FRYL: variants seen among roughly 807,000 people sequenced by gnomAD.
The protein encoded by FRYL is protein furry homolog-like.
FRYL carries 150 observed loss-of-function variants against 351.2 expected under a neutral mutation model. The ratio of observed to expected loss-of-function variants is 0.43; its 90% CI spans 0.37 to 0.49. The LOEUF is 0.49. Among genes scored for constraint, FRYL ranks in the 20% least tolerant of loss-of-function variants. The pLI is 0.00. For missense variants in FRYL, 3,036 were observed against 3,619.3 expected (o/e 0.84, Z 4.13); for synonymous variants, 1,153 against 1,257.1 (o/e 0.92, Z 1.75).
intron 1 of FRYL, among the ~76,000 whole-genome samples, chr4:48,722,725 T>C (rs1191542401): frequency 6.6e-6 from 1 of 152,198 alleles, no homozygotes; most frequent in Non-Finnish European, 1.5e-5. Flanking sequence ...CAATGGGCCT[T>C]GGGAAGCACA....
At chr4:48,695,797 T>C (rs1467156765) in intron 2 of FRYL, among the ~76,000 whole-genome samples, 1 of 152,110 alleles carries the variant, frequency 6.6e-6, no homozygotes, top group Non-Finnish European at 1.5e-5. Flanking sequence ...AAAGGTCTAA[T>C]ATCCAGAATC....
At chr4:48,505,808 CAA>C in intron 59 of FRYL, 193 bp from the exon 60 acceptor site, 2 of 502,182 alleles carry the variant, frequency 4.0e-6, no homozygotes, top group East Asian at 3.1e-5. Context: ...ATTAATGTAA[CAA>C]GAGGCACACA....
In FRYL at chr4:48,666,749, G is replaced by GT. The variant is rs200860642; in HGVS notation, c.-81+17923dup. Among the ~76,000 whole-genome samples the GT allele has an allele frequency of 1.5e-3, 232 of 151,598 alleles. 2 individuals carry two copies. The East Asian group carries it at 0.039, about 26-fold the overall frequency. On this transcript the variant is annotated intron_variant, in intron 3 of 63. Coordinates refer to ENST00000358350, the MANE Select transcript of FRYL (RefSeq NM_015030.2). ...TATTGATTACAATGAACGTTTCATAGTTTTTTTTTAAAGTTTCTTCATCAA... is the reference window on the plus strand; with the variant it reads ...TATTGATTACAATGAACGTTTCATAGTTTTTTTTTTAAAGTTTCTTCATCAA...
chr4:48,542,156 C>T (rs754517470), intron 44 of FRYL, 35 bp from the exon 45 acceptor site: 3 of 1,455,490 alleles, frequency 2.1e-6, no homozygotes, highest in Admixed American at 3.4e-5. Flanking sequence ...ATTAATTATG[C>T]TCTGGAATAA....
chr4:48,730,023 G>A (rs973102897), intron 1 of FRYL, among the ~76,000 whole-genome samples: 1 of 152,166 alleles, frequency 6.6e-6, no homozygotes, highest in Non-Finnish European at 1.5e-5. Flanking sequence ...AATAACCAGT[G>A]TAGAGAAGAG....
At chr4:48,581,397 T>G in intron 21 of FRYL, 23 bp downstream of exon 21, 1 of 1,585,708 alleles carries the variant, frequency 6.3e-7, no homozygotes, top group Non-Finnish European at 8.6e-7. Flanking sequence ...AATAGATAAC[T>G]GAATGAAATA....
At position 48,548,769 on chromosome 4, in the gene FRYL, CA is replaced by C; in HGVS notation, c.4808del (p.Leu1603Ter). The C allele has an allele frequency of 6.2e-7, 1 of 1,609,090 alleles. No individual in the cohort carries two copies. The highest frequency in any genetic ancestry group is 8.5e-7 in the Non-Finnish European group (1 of 1,176,084). ...LHRCNIAVILLTDLIIDHSVK... is the reference protein window; with the variant it reads ...LHRCNIAVILXTDLIIDHSVK... ...CACTATGATCAATGATGAGATCAGT[CA>C]AAAGGATCACTGCTATGTTACACCT... On this transcript the variant is annotated frameshift_variant, in exon 40 of 64. Coordinates refer to ENST00000358350, the MANE Select transcript of FRYL (RefSeq NM_015030.2). LOFTEE classifies it high-confidence loss of function.
chr4:48,718,158 G>C (rs1045875072), intron 1 of FRYL, among the ~76,000 whole-genome samples: 1 of 151,386 alleles, frequency 6.6e-6, no homozygotes, highest in African/African-American at 2.4e-5. Context: ...AGAGTAAATT[G>C]TGTTTATTCT....
chr4:48,653,823 AGC>A (rs1758212850), intron 3 of FRYL: 1 of 1,287,026 alleles, frequency 7.8e-7, no homozygotes, highest in Non-Finnish European at 1.0e-6. Context: ...CAGCAGCAGC[AGC>A]AGCAGCAGAA....
At chr4:48,581,352 A>G (rs752489027) in intron 21 of FRYL, 68 bp downstream of exon 21, 1 of 1,394,776 alleles carries the variant, frequency 7.2e-7, no homozygotes, top group Non-Finnish European at 9.9e-7. Flanking sequence ...TACATGGGAT[A>G]AGGATGGACA....
chr4:48,572,841 C>T (rs1738647638), intron 26 of FRYL, among the ~76,000 whole-genome samples: 1 of 152,124 alleles, frequency 6.6e-6, no homozygotes, highest in South Asian at 2.1e-4. Flanking sequence ...AGCCACACTC[C>T]TTTTTTTATG....
chr4:48,744,010 T>A (rs1772403628), intron 1 of FRYL, among the ~76,000 whole-genome samples: 1 of 152,230 alleles, frequency 6.6e-6, no homozygotes, highest in Admixed American at 6.5e-5. Flanking sequence ...CATTTTTGGT[T>A]CTGTTTCTCT....
Position 48,540,974 on chromosome 4 carries a change from AAGAAT to A in FRYL, c.5688-19_5688-15del. The A allele has an allele frequency of 6.5e-7, 1 of 1,531,284 alleles. No homozygotes were observed. Among genetic ancestry groups the A allele is most frequent in the Non-Finnish European group, 8.8e-7 (1 of 1,138,808 alleles). The allele number at this position is 1,531,284 out of a possible 1,614,324, so 94.9% of individuals were successfully genotyped here. A position where few individuals can be genotyped will look rare whatever the true frequency, so the allele number is the denominator to read the frequency against. ...TGATATGAGGTTCTTAAAAAAAAGA[AAGAAT>A]AGATGAATGCATACCCAGTCACTTC... is the stretch of plus-strand genomic sequence containing the variant. On this transcript the variant is annotated splice_polypyrimidine_tract_variant and intron_variant, in intron 45 of 63. Coordinates refer to ENST00000358350, the MANE Select transcript of FRYL (RefSeq NM_015030.2).
chr4:48,724,134 T>C (rs764045534), intron 1 of FRYL, among the ~76,000 whole-genome samples: 8 of 151,620 alleles, frequency 5.3e-5, no homozygotes, highest in Non-Finnish European at 8.8e-5. Flanking sequence ...TCTCAAAAAA[T>C]AAATTGAAAT....
intron 2 of FRYL, among the ~76,000 whole-genome samples, chr4:48,708,893 T>G (rs1767682662): frequency 6.7e-6 from 1 of 149,362 alleles, no homozygotes; most frequent in Non-Finnish European, 1.5e-5. Flanking sequence ...CACACTTAGC[T>G]TCAAAAGGTA....
At chr4:48,693,969 T>A (rs964457236) in intron 2 of FRYL, among the ~76,000 whole-genome samples, 9 of 147,694 alleles carry the variant, frequency 6.1e-5, no homozygotes, top group African/African-American at 2.3e-4. Flanking sequence ...ACCTACAGAT[T>A]AACAGAGCCA....
chr4:48,760,956 G>A (rs1456319588), intron 1 of FRYL, among the ~76,000 whole-genome samples: 1 of 151,434 alleles, frequency 6.6e-6, no homozygotes, highest in African/African-American at 2.4e-5. Flanking sequence ...GCGATTACAG[G>A]CATGAGCCAC....
chr4:48,681,406 A>C (rs1764592003), intron 3 of FRYL, among the ~76,000 whole-genome samples: 1 of 152,168 alleles, frequency 6.6e-6, no homozygotes, highest in Non-Finnish European at 1.5e-5. Context: ...CAATACTGAG[A>C]CCATAAAATA....
intron 7 of FRYL, among the ~76,000 whole-genome samples, chr4:48,613,866 G>A (rs1248595439): frequency 6.7e-6 from 1 of 149,182 alleles, no homozygotes; most frequent in African/African-American, 2.5e-5. Context: ...TGAGGCAGGA[G>A]AATTGCTTAA....
Sources: gnomAD v4.1 joint callset for allele counts (sites outside exome capture counted in the v4.1 genomes callset) on GRCh38, gnomAD v4.1.1 for gene constraint, MANE v1.5 for transcripts, NCBI Gene and HGNC (gene_info 2026-07-23, HGNC 2026-07-21) for gene names.